The following TVP23A variants were observed in gnomAD, a reference collection of about 807,000 sequenced individuals.
TVP23A encodes the protein trans-golgi network vesicle protein 23 homolog A, also known as Golgi apparatus membrane protein TVP23 homolog A.
TVP23A carries 21 observed loss-of-function variants against 31.7 expected under a neutral mutation model. The ratio of observed to expected loss-of-function variants is 0.66; its 90% CI spans 0.47 to 0.95. The LOEUF (loss-of-function observed/expected upper bound fraction) is 0.95. Ranked by LOEUF, TVP23A falls within the 40% of genes least tolerant of loss-of-function variation. The probability of loss-of-function intolerance (pLI) is 0.00; values close to 1 mark genes in which losing one functional copy is unlikely to be tolerated. For missense variants in TVP23A, 279 were observed against 255.6 expected (o/e 1.09, Z -0.62); for synonymous variants, 104 against 96.0 (o/e 1.08, Z -0.49).
At chr16:10,774,831 A>G (rs1299890572) in intron 3 of TVP23A, 121 bp downstream of exon 3, 14 of 817,190 alleles carry the variant, frequency 1.7e-5, no homozygotes, top group Non-Finnish European at 2.7e-5. Context: ...CTTTTAAGTG[A>G]CACTGCTCAG....
chr16:10,761,840 G>A, downstream of TVP23A: 1 of 1,614,000 alleles, frequency 6.2e-7, no homozygotes, highest in East Asian at 2.2e-5. Context: ...TCGGCAGAGT[G>A]CCCCTGGATC....
In TVP23A at chr16:10,773,433, C is replaced by A. The variant is rs192702416; in HGVS notation, c.333G>T (p.Pro111=). 1 of 1,597,884 alleles carries A rather than the reference C, an allele frequency of 6.3e-7. No individual in the cohort carries two copies. Among genetic ancestry groups the A allele is most frequent in the South Asian group, 1.1e-5 (1 of 87,182 alleles). ...HWIFEARKVS[P]NSIAATEAEA... The stretch of plus-strand genomic sequence containing the variant: ...CAGCTTCTGTGGCAGCAATGCTATT[C>A]GGAGAGACCTGTTAAAGGAAAGTAA... The change falls in exon 5 of 8, where the codon CCG becomes CCT. Residue 111 remains proline, a synonymous_variant. Coordinates refer to ENST00000299866, the MANE Select transcript of TVP23A (RefSeq NM_001079512.4).
At chr16:10,795,587 C>G (rs7189639) in intron 2 of TVP23A, among the ~76,000 whole-genome samples, 19,625 of 152,054 alleles carry the variant, frequency 0.13, 2,466 homozygotes, top group East Asian at 0.46. Flanking sequence ...TTGCTCACCT[C>G]ATGGAAGACG....
At chr16:10,802,581 A>C (rs996366374) in intron 2 of TVP23A, among the ~76,000 whole-genome samples, 1 of 152,042 alleles carries the variant, frequency 6.6e-6, no homozygotes, top group African/African-American at 2.4e-5. Context: ...CACTCGTCCA[A>C]TTAGTGAATC....
chr16:10,793,517 C>T (rs2033218093), intron 2 of TVP23A, among the ~76,000 whole-genome samples: 1 of 152,110 alleles, frequency 6.6e-6, no homozygotes, highest in Admixed American at 6.5e-5. Flanking sequence ...AGCAACACTC[C>T]ACTTCTCTGG....
chr16:10,813,999 C>CAAAAAA (rs201277067), intron 2 of TVP23A, among the ~76,000 whole-genome samples: 11 of 49,512 alleles, frequency 2.2e-4, no homozygotes, highest in Non-Finnish European at 3.4e-4. Context: ...AACTCCATCT[C>CAAAAAA]AAAAAAAAAA....
rs1272796007 is a variant in TVP23A at position 10,767,403 on chromosome 16, A to G, written c.*1699T>C. On this transcript the variant is annotated 3_prime_UTR_variant, in exon 8 of 8. Coordinates refer to ENST00000299866, the MANE Select transcript of TVP23A (RefSeq NM_001079512.4). The surrounding 1 kb of genome is among the most constrained non-coding windows in gnomAD (Gnocchi z 4.6). Reference sequence around the variant, plus strand: ...GATGACCTGGAAGATAAAATTATACACAGACAAAGCAGCAGGCAGAATGTG... The same window carrying G: ...GATGACCTGGAAGATAAAATTATACGCAGACAAAGCAGCAGGCAGAATGTG... 8 of 400,150 alleles carry G rather than the reference A, an allele frequency of 2.0e-5. No individual in the cohort carries two copies. Among genetic ancestry groups the G allele is most frequent in the Non-Finnish European group, 3.5e-5 (8 of 227,306 alleles). The allele number at this position is 400,150 out of a possible 1,614,324, so 24.8% of individuals were successfully genotyped here.
chr16:10,763,463 A>C (rs1047280420), downstream of TVP23A: 2 of 152,258 alleles, frequency 1.3e-5, no homozygotes, highest in Non-Finnish European at 2.9e-5. Context: ...TTATTCCCAC[A>C]TCCCACAATA....
chr16:10,810,669 T>C (rs1449855966), intron 2 of TVP23A, among the ~76,000 whole-genome samples: 1 of 152,128 alleles, frequency 6.6e-6, no homozygotes, highest in Non-Finnish European at 1.5e-5. Flanking sequence ...AGAGGGAATT[T>C]CCTCTCCCTG....
At chr16:10,794,355 A>T (rs1441833421) in intron 2 of TVP23A, among the ~76,000 whole-genome samples, 3 of 152,146 alleles carry the variant, frequency 2.0e-5, no homozygotes, top group African/African-American at 7.2e-5. Flanking sequence ...GTTCTTATAA[A>T]GACCCCAGTC....
At chr16:10,811,273 T>C (rs1317862034) in intron 2 of TVP23A, among the ~76,000 whole-genome samples, 1 of 152,150 alleles carries the variant, frequency 6.6e-6, no homozygotes, top group African/African-American at 2.4e-5. Flanking sequence ...TTCTTTTTAT[T>C]TATTTTGTTT....
Position 10,775,114 on chromosome 16 carries a change from A to G in TVP23A, c.90-18T>C. 1 of 1,598,638 alleles carries G rather than the reference A, an allele frequency of 6.3e-7. No homozygotes were observed. The highest frequency in any genetic ancestry group is 2.3e-5 in the East Asian group (1 of 44,114). On this transcript the variant is annotated intron_variant, in intron 2 of 7. Transcript: ENST00000299866. ...AGGGGTGTCTAGGAAAGGACCCAGA[A>G]GGCGCCCTCACTCCAAGAGCTAAGC...
chr16:10,760,904 A>C (rs567779102), downstream of TVP23A: 37 of 169,178 alleles, frequency 2.2e-4, no homozygotes, highest in Non-Finnish European at 3.9e-4. Flanking sequence ...GAACTGCCTG[A>C]GACTGGGTAA....
chr16:10,816,866 A>T (rs1212331825), intron 2 of TVP23A, among the ~76,000 whole-genome samples: 80 of 152,020 alleles, frequency 5.3e-4, no homozygotes, highest in African/African-American at 1.9e-3. Flanking sequence ...TAAAACTTAA[A>T]GTACAATAAT....
At chr16:10,811,731 C>T (rs1222842056) in intron 2 of TVP23A, among the ~76,000 whole-genome samples, 2 of 151,634 alleles carry the variant, frequency 1.3e-5, no homozygotes, top group African/African-American at 2.4e-5. Context: ...GGTGAAACCC[C>T]GTCTCTACTA....
intron 4 of TVP23A, among the ~76,000 whole-genome samples, chr16:10,773,662 C>T (rs2031790304): frequency 6.6e-6 from 1 of 152,188 alleles, no homozygotes; most frequent in Non-Finnish European, 1.5e-5. Flanking sequence ...CCTCCGCCTC[C>T]TGGGTTCAAG....
chr16:10,768,077 G>T lies in TVP23A; in HGVS notation c.*1025C>A, dbSNP rs1384303649. ...CTAAATGCAGATGCCTGTGGGGCAG[G>T]AAGCAACATAAAGGAGCCAGGGGTG... On this transcript the variant is annotated 3_prime_UTR_variant, in exon 8 of 8. Transcript: ENST00000299866. This position sits in a 1 kb window ranked among gnomAD's most constrained non-coding sequence, Gnocchi z 4.3. The T allele has an allele frequency of 6.3e-7, 1 of 1,586,938 alleles. No individual in the cohort carries two copies. Among genetic ancestry groups the T allele is most frequent in the Non-Finnish European group, 8.6e-7 (1 of 1,157,018 alleles).
chr16:10,781,141 C>T (rs1355803993), intron 2 of TVP23A, among the ~76,000 whole-genome samples: 1 of 152,000 alleles, frequency 6.6e-6, no homozygotes, highest in African/African-American at 2.4e-5. Context: ...CCAGCCTGGA[C>T]AACATGAAGA....
Position 10,767,102 on chromosome 16 carries a change from G to C in TVP23A, c.*2000C>G, listed in dbSNP as rs1467426723. The C allele has an allele frequency of 1.3e-5, 5 of 398,688 alleles. No individual in the cohort carries two copies. The highest frequency in any genetic ancestry group is 2.2e-5 in the Non-Finnish European group (5 of 226,208). 24.7% of individuals were successfully genotyped at this position (398,688 alleles called of 1,614,324 possible). A position where few individuals can be genotyped will look rare whatever the true frequency, so the allele number is the denominator to read the frequency against. On this transcript the variant is annotated 3_prime_UTR_variant, in exon 8 of 8. Transcript: ENST00000299866. This position sits in a 1 kb window ranked among gnomAD's most constrained non-coding sequence, Gnocchi z 4.6. ...CCCTCCTGGGGTTCACCTGAGGCTG[G>C]TGACCGGCCATGGGCAGTGCAGTCA...
Sources: allele counts gnomAD v4.1 joint callset (sites outside exome capture counted in the v4.1 genomes callset), GRCh38; gene constraint gnomAD v4.1.1; non-coding constraint Gnocchi (gnomAD v3.1); transcripts MANE v1.5; gene names NCBI Gene and HGNC (gene_info 2026-07-23, HGNC 2026-07-21).